SSX1: variants seen among roughly 807,000 people sequenced by gnomAD.
SSX1 encodes SSX family member 1.
In SSX1, 58 loss-of-function variants were observed where a neutral mutation model predicts 14.6. The observed-to-expected ratio is 3.96, with a 90% CI of 3.21 to 4.93. SSX1 has a LOEUF of 4.93. Among genes scored for constraint, SSX1 ranks in the 30% most tolerant of loss-of-function variants. The pLI is 0.00. For synonymous variants in SSX1, 46 were observed against 52.1 expected, an observed-to-expected ratio of 0.88 and a Z score of 0.50; for missense variants, 272 against 143.1, an observed-to-expected ratio of 1.90 and a Z score of -4.60.
chrX:48,264,985 C>G (rs1556936168), intron 6 of SSX1, among the ~76,000 whole-genome samples: 1 of 112,006 alleles, frequency 8.9e-6, no homozygotes, highest in African/African-American at 3.2e-5. Context: ...AAACCAACCT[C>G]TGCTAGTTTC....
chrX:48,266,829 C>CT lies in SSX1; in HGVS notation c.*5-22dup, dbSNP rs2059625601. ...GGCAGTGGGAACTCGCTGTCACTTA[C>CT]TTTCCTTCCCTCTTCTCGCCTCAGC... On this transcript the variant is annotated intron_variant, in intron 7 of 7. Coordinates refer to ENST00000376919, the MANE Select transcript of SSX1 (RefSeq NM_005635.4). 4 of 971,179 alleles carry CT rather than the reference C, an allele frequency of 4.1e-6. No individual in the cohort carries two copies. The South Asian group carries it at 7.8e-5, about 19-fold the overall frequency. 80.0% of individuals were successfully genotyped at this position (971,179 alleles called of 1,213,427 possible). A position where few individuals can be genotyped will look rare whatever the true frequency, so the allele number is the denominator to read the frequency against.
chrX:48,262,862 G>C (rs1383305533), intron 5 of SSX1, among the ~76,000 whole-genome samples: 1 of 111,397 alleles, frequency 9.0e-6, no homozygotes, highest in Admixed American at 9.6e-5. Flanking sequence ...AGGGCCGGGC[G>C]CGGGGGCTCA....
chrX:48,261,082 T>C (rs2059602210), intron 4 of SSX1, among the ~76,000 whole-genome samples: 1 of 111,870 alleles, frequency 8.9e-6, no homozygotes, highest in South Asian at 3.8e-4. Flanking sequence ...AAAGACAGGT[T>C]CTTGGGTAGA....
intron 4 of SSX1, among the ~76,000 whole-genome samples, chrX:48,259,146 G>A (rs1391856391): frequency 2.7e-5 from 3 of 110,872 alleles, no homozygotes; most frequent in Admixed American, 9.7e-5. Context: ...ACAGGCGCCC[G>A]CCACCATGCC....
Position 48,258,632 on chromosome X carries a change from G to C in SSX1, c.280+1G>C, listed in dbSNP as rs782167339. 1.7e-6 allele frequency: 2 copies of C among 1,187,868 alleles called. No homozygotes were observed. The highest frequency in any genetic ancestry group is 3.5e-5 in the African/African-American group (2 of 56,497). ...AATGACCATAACCGCAGGATTCAGG[G>C]TGAGTAGATGGGAAGTGGCTGGAAA... On this transcript the variant is annotated splice_donor_variant, in intron 4 of 7. Coordinates refer to ENST00000376919, the MANE Select transcript of SSX1 (RefSeq NM_005635.4). LOFTEE classifies it high-confidence loss of function.
At chrX:48,256,243 A>G (rs1408722287) in intron 1 of SSX1, among the ~76,000 whole-genome samples, 1 of 109,773 alleles carries the variant, frequency 9.1e-6, no homozygotes, top group Non-Finnish European at 1.9e-5. Context: ...GGCTCAAGAG[A>G]TCCTCTTGCC....
intron 4 of SSX1, among the ~76,000 whole-genome samples, chrX:48,259,914 G>A (rs1405036874): frequency 9.6e-6 from 1 of 104,150 alleles, no homozygotes; most frequent in Non-Finnish European, 2.0e-5. Flanking sequence ...ATAAACATAT[G>A]TGTGCATGTG....
chrX:48,263,411 C>T (rs1356512444), intron 5 of SSX1, among the ~76,000 whole-genome samples: 1 of 110,150 alleles, frequency 9.1e-6, no homozygotes, highest in African/African-American at 3.3e-5. Context: ...CAGCTGTCTA[C>T]GAGCTTATAT....
Position 48,266,844 on chromosome X carries a change from C to A in SSX1, c.*5-10C>A. ...CTGTCACTTACTTTCCTTCCCTCTT[C>A]TCGCCTCAGCCTGGGGGATACGACA... On this transcript the variant is annotated splice_polypyrimidine_tract_variant and intron_variant, in intron 7 of 7. Transcript: ENST00000376919. 1 of 1,026,592 alleles carries A rather than the reference C, an allele frequency of 9.7e-7. No homozygotes were observed. The highest frequency in any genetic ancestry group is 1.3e-6 in the Non-Finnish European group (1 of 741,299). The allele number at this position is 1,026,592 out of a possible 1,213,427, so 84.6% of individuals were successfully genotyped here. A position where few individuals can be genotyped will look rare whatever the true frequency, so the allele number is the denominator to read the frequency against.
In SSX1 at chrX:48,263,923, A is replaced by T. The variant is rs1556935989; in HGVS notation, c.466+6A>T. 8.3e-7 allele frequency: 1 copy of T among 1,209,902 alleles called. No homozygotes were observed. The highest frequency in any genetic ancestry group is 1.1e-6 in the Non-Finnish European group (1 of 894,519). The stretch of plus-strand genomic sequence containing the variant: ...GAAGATTAATAAGAGATCTGGTAAG[A>T]GGAAATGATTTGGGAACAACTTCTC... On this transcript the variant is annotated splice_donor_region_variant and intron_variant, in intron 6 of 7. Coordinates refer to ENST00000376919, the MANE Select transcript of SSX1 (RefSeq NM_005635.4).
Position 48,262,839 on chromosome X carries a change from A to G in SSX1, c.331-943A>G, listed in dbSNP as rs782049436. On this transcript the variant is annotated intron_variant, in intron 5 of 7. Transcript: ENST00000376919. The stretch of plus-strand genomic sequence containing the variant: ...TATTTCATAAGTGAGGAAGCTGAGT[A>G]AAAAGTAGCTTAAGGGCCGGGCGCG... Among the ~76,000 whole-genome samples, 5 of 111,864 alleles carry G rather than the reference A, an allele frequency of 4.5e-5. No individual in the cohort carries two copies. In the East Asian group the frequency reaches 1.4e-3, roughly 31 times the overall value.
In SSX1 at chrX:48,266,339, G is replaced by A. The variant is rs374413752; in HGVS notation, c.519G>A (p.Gln173=). ...CCCACAGACTGCGTGAGAGAAAGCA[G>A]CTGGTGATTTATGAAGAGATCAGTG... ...AWTHRLRERK[Q]LVIYEEISDP... Residue 173 remains glutamine, a synonymous_variant, in exon 7 of 8, where the codon CAG becomes CAA. Coordinates refer to ENST00000376919, the MANE Select transcript of SSX1 (RefSeq NM_005635.4). The A allele has an allele frequency of 1.1e-5, 13 of 1,208,288 alleles. 1 individual carries two copies. The South Asian group carries it at 1.4e-4, about 13-fold the overall frequency.
chrX:48,257,572 G>A (rs2059586792), intron 2 of SSX1, 174 bp from the exon 3 acceptor site: 1 of 751,031 alleles, frequency 1.3e-6, no homozygotes, highest in Admixed American at 8.9e-5. Flanking sequence ...AAGCCCTAAT[G>A]TGTGCCACGG....
chrX:48,260,325 T>G (rs1206920816), intron 4 of SSX1, among the ~76,000 whole-genome samples: 1 of 110,949 alleles, frequency 9.0e-6, no homozygotes, highest in Non-Finnish European at 1.9e-5. Context: ...TAAATTTGTT[T>G]GAGTTCATTG....
At chrX:48,261,199 A>G (rs2059602582) in intron 4 of SSX1, among the ~76,000 whole-genome samples, 1 of 112,208 alleles carries the variant, frequency 8.9e-6, no homozygotes, top group Non-Finnish European at 1.9e-5. Flanking sequence ...ACTGTCTTCA[A>G]TATCTCTATT....
intron 5 of SSX1, among the ~76,000 whole-genome samples, chrX:48,262,696 GA>G (rs1430285684): frequency 2.7e-5 from 3 of 111,687 alleles, no homozygotes; most frequent in African/African-American, 9.8e-5. Flanking sequence ...TGCCAGTATG[GA>G]GAACGAATTC....
intron 4 of SSX1, among the ~76,000 whole-genome samples, chrX:48,260,168 A>G (rs2059599204): frequency 9.9e-6 from 1 of 100,803 alleles, no homozygotes; most frequent in Non-Finnish European, 2.0e-5. Context: ...ATGGTATCTC[A>G]TTGTGGTTTT....
intron 5 of SSX1, among the ~76,000 whole-genome samples, chrX:48,262,949 C>T (rs1490768709): frequency 9.1e-6 from 1 of 110,222 alleles, no homozygotes; most frequent in African/African-American, 3.3e-5. Flanking sequence ...TCCTGGCCAA[C>T]ATGGTGAAAC....
intron 2 of SSX1, 65 bp from the exon 3 acceptor site, chrX:48,257,681 G>A (rs868965098): frequency 4.0e-5 from 46 of 1,145,395 alleles, no homozygotes; most frequent in South Asian, 2.6e-4. Context: ...CACAGGAAGC[G>A]GCTCCAGCTG....
Sources: allele counts gnomAD v4.1 joint callset (sites outside exome capture counted in the v4.1 genomes callset), GRCh38; gene constraint gnomAD v4.1.1; transcripts MANE v1.5; gene names NCBI Gene and HGNC (gene_info 2026-07-23, HGNC 2026-07-21).